Variants in XPO6 observed in about 807,000 individuals in gnomAD.
The protein encoded by XPO6 is exportin-6.
Under a neutral mutation model 130.0 loss-of-function variants are expected in XPO6, and 3 were observed. That is an observed-to-expected ratio of 0.02 (90% CI 0.01 to 0.06). The LOEUF (loss-of-function observed/expected upper bound fraction) is 0.06, where lower values mean the gene tolerates loss of function less well. Among genes scored for constraint, XPO6 ranks in the 10% least tolerant of loss-of-function variants. The pLI is 1.00. For synonymous variants in XPO6, 524 were observed against 548.9 expected, an observed-to-expected ratio of 0.95 and a Z score of 0.63; for missense variants, 970 against 1,393.0, an observed-to-expected ratio of 0.70 and a Z score of 4.83.
chr16:28,170,332 C>CA (rs10638478), intron 4 of XPO6, among the ~76,000 whole-genome samples: 10,359 of 81,094 alleles, frequency 0.13, 1,499 homozygotes, highest in African/African-American at 0.36. Flanking sequence ...AACTCTGTCT[C>CA]AAAAAAAAAA....
At chr16:28,139,865 G>A (rs1250639094) in intron 9 of XPO6, among the ~76,000 whole-genome samples, 2 of 152,160 alleles carry the variant, frequency 1.3e-5, no homozygotes, top group East Asian at 3.8e-4. Flanking sequence ...ACTAAAAGGA[G>A]ACAGACAAAT....
At chr16:28,108,695 G>C (rs1331385626) in intron 17 of XPO6, among the ~76,000 whole-genome samples, 1 of 152,350 alleles carries the variant, frequency 6.6e-6, no homozygotes, top group African/African-American at 2.4e-5. Flanking sequence ...GCTGGGCTGA[G>C]AGCTGCCTCC....
intron 1 of XPO6, among the ~76,000 whole-genome samples, chr16:28,196,196 T>C (rs906848003): frequency 2.0e-5 from 3 of 152,286 alleles, no homozygotes; most frequent in East Asian, 1.9e-4. Flanking sequence ...TGGGACATCC[T>C]GGCCAATTAA....
chr16:28,153,602 T>C (rs2043133137), intron 7 of XPO6: 1 of 985,286 alleles, frequency 1.0e-6, no homozygotes, highest in Non-Finnish European at 1.2e-6. Flanking sequence ...TGTTATTAAA[T>C]ACACAGCACA....
chr16:28,193,615 G>C lies in XPO6; in HGVS notation c.4-12584C>G, dbSNP rs369251216. Among the ~76,000 whole-genome samples, 10 of 152,348 alleles carry C rather than the reference G, an allele frequency of 6.6e-5. 1 individual carries two copies. The South Asian group carries it at 2.1e-3, about 32-fold the overall frequency. On this transcript the variant is annotated intron_variant, in intron 1 of 23. Transcript: ENST00000304658. The stretch of plus-strand genomic sequence containing the variant: ...TGGTAGTGGTGACTGTGGTGGCAGT[G>C]AGCAGCAAGAAAGCAGATGGCGCCT...
chr16:28,101,299 C>T lies in XPO6; in HGVS notation c.3276+159G>A, dbSNP rs1170328052. The T allele has an allele frequency of 9.9e-6, 7 of 710,348 alleles. No homozygotes were observed. The highest frequency in any genetic ancestry group is 4.0e-5 in the Admixed American group (2 of 49,864). The allele number at this position is 710,348 out of a possible 1,614,324, so 44.0% of individuals were successfully genotyped here. A position where few individuals can be genotyped will look rare whatever the true frequency, so the allele number is the denominator to read the frequency against. ...AAGGCTGTGCCCCTCAATCAGGCTA[C>T]AGCACCAGGTCAGCAGGCATCTCGT... On this transcript the variant is annotated intron_variant, in intron 23 of 23. Transcript: ENST00000304658. This position sits in a 1 kb window ranked among gnomAD's most constrained non-coding sequence, Gnocchi z 5.4.
chr16:28,175,970 G>C lies in XPO6; in HGVS notation c.333C>G (p.Cys111Trp), dbSNP rs1465983452. The change falls in exon 4 of 24, where the codon TGC becomes TGG. Residue 111 changes from cysteine (C) to tryptophan (W), a missense_variant. By Grantham distance (215) the Cys-to-Trp change is radical. Transcript: ENST00000304658. ...TLPYFIRNKL[C>W]KVIVDIGRQD... ...GACGTCCAATATCAACAATAACTTT[G>C]CAGAGCTTGTTCCGGATAAAGTAAG... 6.2e-7 allele frequency: 1 copy of C among 1,614,158 alleles called. No homozygotes were observed. Among genetic ancestry groups the C allele is most frequent in the East Asian group, 2.2e-5 (1 of 44,876 alleles).
chr16:28,153,353 A>G (rs1334749702), intron 7 of XPO6: 1 of 985,676 alleles, frequency 1.0e-6, no homozygotes, highest in South Asian at 4.7e-5. Context: ...GAGGAAGGCT[A>G]TTAGAACTGG....
At chr16:28,162,896 A>G (rs2043299836) in intron 6 of XPO6, among the ~76,000 whole-genome samples, 1 of 151,986 alleles carries the variant, frequency 6.6e-6, no homozygotes, top group African/African-American at 2.4e-5. Context: ...AATTATTGAA[A>G]CTTCATGTTT....
intron 14 of XPO6, among the ~76,000 whole-genome samples, chr16:28,120,846 A>C (rs1453333086): frequency 6.6e-6 from 1 of 152,160 alleles, no homozygotes; most frequent in African/African-American, 2.4e-5. Context: ...GGGCATACAT[A>C]CACACTGTCA....
chr16:28,199,125 A>C (rs1008985615), intron 1 of XPO6, among the ~76,000 whole-genome samples: 5 of 152,224 alleles, frequency 3.3e-5, no homozygotes, highest in Non-Finnish European at 7.3e-5. Flanking sequence ...GGGCAACAAG[A>C]GTGAAACTCC....
intron 1 of XPO6, among the ~76,000 whole-genome samples, chr16:28,194,363 G>C (rs1011656498): frequency 6.6e-6 from 1 of 152,184 alleles, no homozygotes; most frequent in Non-Finnish European, 1.5e-5. Context: ...AACGAAGAAT[G>C]TAAGAATGAA....
chr16:28,171,452 CAA>C (rs36000498), intron 4 of XPO6, among the ~76,000 whole-genome samples: 115 of 99,062 alleles, frequency 1.2e-3, no homozygotes, highest in South Asian at 2.4e-3. Flanking sequence ...GACTCTGTCT[CAA>C]AAAAAAAAAA....
intron 15 of XPO6, 93 bp from the exon 16 acceptor site, chr16:28,113,143 T>G (rs1440756053): frequency 6.8e-7 from 1 of 1,477,752 alleles, no homozygotes; most frequent in Non-Finnish European, 9.0e-7. Flanking sequence ...GTGTCATTCT[T>G]GGTTTCCAAA....
intron 6 of XPO6, among the ~76,000 whole-genome samples, chr16:28,164,691 C>T (rs2043329049): frequency 6.6e-6 from 1 of 152,176 alleles, no homozygotes; most frequent in South Asian, 2.1e-4. Context: ...CCGCATAAAA[C>T]CTAGGCAACA....
At chr16:28,138,421 T>G (rs1180851632) in intron 9 of XPO6, among the ~76,000 whole-genome samples, 1 of 151,968 alleles carries the variant, frequency 6.6e-6, no homozygotes, top group Non-Finnish European at 1.5e-5. Context: ...AACCCTAAAT[T>G]AGACCTAAAA....
Position 28,141,817 on chromosome 16 carries a change from G to A in XPO6, c.1334+4277C>T, listed in dbSNP as rs149187815. Among the ~76,000 whole-genome samples the A allele has an allele frequency of 6.5e-3, 989 of 152,244 alleles. 10 individuals are homozygous for A. The highest frequency in any genetic ancestry group is 0.023 in the African/African-American group (942 of 41,530). ...CTAATAAAAATACAAAAAATTAGCCGGGCGTGGTGGCGGGCACCTGTAGTC... is the reference window on the plus strand; with the variant it reads ...CTAATAAAAATACAAAAAATTAGCCAGGCGTGGTGGCGGGCACCTGTAGTC... On this transcript the variant is annotated intron_variant, in intron 9 of 23. Coordinates refer to ENST00000304658, the MANE Select transcript of XPO6 (RefSeq NM_015171.4).
At chr16:28,166,729 G>A in intron 5 of XPO6, 144 bp from the exon 6 acceptor site, 1 of 1,473,212 alleles carries the variant, frequency 6.8e-7, no homozygotes, top group Non-Finnish European at 9.0e-7. Flanking sequence ...CCAGCTAGCG[G>A]CTGTGCCTCT....
At chr16:28,194,566 T>C (rs2141895484) in intron 1 of XPO6, among the ~76,000 whole-genome samples, 1 of 152,298 alleles carries the variant, frequency 6.6e-6, no homozygotes, top group Non-Finnish European at 1.5e-5. Flanking sequence ...TGCCTGTCTG[T>C]ACTCCCAAAC....
Sources: gnomAD v4.1 joint callset for allele counts (sites outside exome capture counted in the v4.1 genomes callset) on GRCh38, gnomAD v4.1.1 for gene constraint, Gnocchi (gnomAD v3.1) non-coding constraint, MANE v1.5 for transcripts, NCBI Gene and HGNC (gene_info 2026-07-23, HGNC 2026-07-21) for gene names.